PDE4D: variants seen among roughly 807,000 people sequenced by gnomAD.
PDE4D encodes 3',5'-cyclic-AMP phosphodiesterase 4D.
A neutral mutation model predicts 87.4 loss-of-function variants in PDE4D; 24 were observed. That is an observed-to-expected ratio of 0.27 (90% CI 0.20 to 0.39). The LOEUF (loss-of-function observed/expected upper bound fraction) is 0.39, where lower values mean the gene tolerates loss of function less well. Ranked by LOEUF, PDE4D falls within the 10% of genes least tolerant of loss-of-function variation. The pLI, the probability that PDE4D is intolerant of heterozygous loss-of-function variation, is 1.00. For missense variants in PDE4D, 714 were observed against 1,041.0 expected, an observed-to-expected ratio of 0.69 and a Z score of 4.32; for synonymous variants, 384 against 383.2, an observed-to-expected ratio of 1.00 and a Z score of -0.02.
intron 1 of PDE4D, among the ~76,000 whole-genome samples, chr5:60,247,486 A>G (rs1331256185): frequency 1.3e-5 from 2 of 152,006 alleles, no homozygotes; most frequent in East Asian, 3.9e-4. Flanking sequence ...AAACTTTTTC[A>G]GTTCACAATT....
At chr5:60,338,315 C>T (rs928509426) in intron 1 of PDE4D, among the ~76,000 whole-genome samples, 1 of 152,138 alleles carries the variant, frequency 6.6e-6, no homozygotes, top group African/African-American at 2.4e-5. Flanking sequence ...GAGCAAAAAC[C>T]CAGGCGCGCA....
intron 1 of PDE4D, among the ~76,000 whole-genome samples, chr5:59,656,963 C>T (rs1173717668): frequency 3.3e-5 from 5 of 152,056 alleles, no homozygotes; most frequent in Admixed American, 3.3e-4. Flanking sequence ...AAAACATTGT[C>T]TTCTACAATA....
At chr5:60,331,167 A>G (rs1004892383) in intron 1 of PDE4D, among the ~76,000 whole-genome samples, 2 of 152,212 alleles carry the variant, frequency 1.3e-5, no homozygotes, top group Non-Finnish European at 2.9e-5. Context: ...AACAAGGTAG[A>G]AAAATACATG....
intron 1 of PDE4D, among the ~76,000 whole-genome samples, chr5:59,578,492 A>G (rs1444487135): frequency 6.6e-6 from 1 of 152,186 alleles, no homozygotes; most frequent in African/African-American, 2.4e-5. Context: ...CTTTGTGTAA[A>G]TAATTTCTCA....
At chr5:60,383,637 C>T (rs182107973) in intron 1 of PDE4D, among the ~76,000 whole-genome samples, 16 of 152,178 alleles carry the variant, frequency 1.1e-4, no homozygotes, top group Admixed American at 3.9e-4. Context: ...AGAGAGTTGG[C>T]GGAAAATTTG....
chr5:59,308,660 A>T (rs1771912650), intron 1 of PDE4D, among the ~76,000 whole-genome samples: 1 of 145,924 alleles, frequency 6.9e-6, no homozygotes, highest in South Asian at 2.3e-4. Context: ...TGCAGGGGGT[A>T]GGGGTTGGGG....
At chr5:60,361,673 G>T (rs1760086472) in intron 1 of PDE4D, among the ~76,000 whole-genome samples, 1 of 152,108 alleles carries the variant, frequency 6.6e-6, no homozygotes, top group Non-Finnish European at 1.5e-5. Flanking sequence ...ACCACCTGGG[G>T]TAACATCCTT....
At chr5:59,373,576 A>G (rs145960093) in intron 1 of PDE4D, among the ~76,000 whole-genome samples, 66 of 152,298 alleles carry the variant, frequency 4.3e-4, no homozygotes, top group African/African-American at 1.5e-3. Context: ...CCTGAAATAC[A>G]TGAGGAGAAT....
chr5:59,855,123 C>A (rs776502719), intron 1 of PDE4D, among the ~76,000 whole-genome samples: 2 of 152,076 alleles, frequency 1.3e-5, no homozygotes, highest in Non-Finnish European at 2.9e-5. Context: ...TCCCTTCTAA[C>A]CAGCTCCCTG....
chr5:59,014,694 C>G (rs961278247), intron 6 of PDE4D, among the ~76,000 whole-genome samples: 2 of 152,180 alleles, frequency 1.3e-5, no homozygotes, highest in Non-Finnish European at 2.9e-5. Flanking sequence ...AATGGCCATA[C>G]TGCCCAAGGT....
chr5:60,049,722 T>G (rs951139632), intron 2 of PDE4D, among the ~76,000 whole-genome samples: 5 of 152,182 alleles, frequency 3.3e-5, no homozygotes. Context: ...AGTCTGCCCG[T>G]TCTCAGATCT....
chr5:59,471,970 T>C (rs981487401), intron 1 of PDE4D, among the ~76,000 whole-genome samples: 2 of 152,090 alleles, frequency 1.3e-5, no homozygotes, highest in South Asian at 2.1e-4. Context: ...GGTTAATATA[T>C]AACAATTATG....
intron 5 of PDE4D, among the ~76,000 whole-genome samples, chr5:59,102,412 C>T (rs575208852): frequency 2.0e-5 from 3 of 152,120 alleles, no homozygotes; most frequent in African/African-American, 7.2e-5. Context: ...CTCTAAAATC[C>T]AGACATGTTT....
chr5:60,323,285 A>C (rs970103615), intron 1 of PDE4D, among the ~76,000 whole-genome samples: 1 of 152,196 alleles, frequency 6.6e-6, no homozygotes, highest in African/African-American at 2.4e-5. Flanking sequence ...TAAACCAAAC[A>C]TATCCAAAAT....
chr5:60,337,256 C>T (rs1352417149), intron 1 of PDE4D, among the ~76,000 whole-genome samples: 2 of 149,392 alleles, frequency 1.3e-5, no homozygotes, highest in Admixed American at 6.7e-5. Context: ...TCACTTGAAC[C>T]CGGGGGGTAG....
At chr5:59,633,754 G>GC (rs1831869724) in intron 1 of PDE4D, among the ~76,000 whole-genome samples, 2 of 152,084 alleles carry the variant, frequency 1.3e-5, no homozygotes, top group African/African-American at 4.8e-5. Flanking sequence ...AATATGGAAA[G>GC]GAAAAACTGA....
intron 6 of PDE4D, among the ~76,000 whole-genome samples, chr5:59,016,584 G>A (rs1754056358): frequency 6.6e-6 from 1 of 151,638 alleles, no homozygotes; most frequent in South Asian, 2.1e-4. Context: ...CATATTCAAG[G>A]CTCTGCCAGG....
chr5:59,657,620 T>C (rs572689300), intron 1 of PDE4D, among the ~76,000 whole-genome samples: 2 of 152,286 alleles, frequency 1.3e-5, no homozygotes, highest in East Asian at 3.9e-4. Context: ...ACATAGAACA[T>C]GTATACAATC....
chr5:59,069,308 CA>C (rs1764387787), intron 5 of PDE4D, among the ~76,000 whole-genome samples: 1 of 152,060 alleles, frequency 6.6e-6, no homozygotes, highest in Admixed American at 6.6e-5. Flanking sequence ...CAGCATTGAA[CA>C]AAAGATAAAG....
Sources: allele counts gnomAD v4.1 joint callset (sites outside exome capture counted in the v4.1 genomes callset), GRCh38; gene constraint gnomAD v4.1.1; transcripts MANE v1.5; gene names NCBI Gene and HGNC (gene_info 2026-07-23, HGNC 2026-07-21).